Variants in WWOX observed in about 807,000 individuals in gnomAD.
The protein encoded by WWOX is WW domain-containing oxidoreductase.
A neutral mutation model predicts 46.2 loss-of-function variants in WWOX; 69 were observed. That is an observed-to-expected ratio of 1.49 (90% CI 1.23 to 1.82). The LOEUF (loss-of-function observed/expected upper bound fraction) is 1.82, where lower values mean the gene tolerates loss of function less well. Among genes scored for constraint, WWOX ranks in the 40% most tolerant of loss-of-function variants. WWOX has a pLI of 0.00. For synonymous variants in WWOX, 359 were observed against 202.6 expected, an observed-to-expected ratio of 1.77 and a Z score of -6.56; for missense variants, 919 against 542.6, an observed-to-expected ratio of 1.69 and a Z score of -6.89.
At chr16:78,152,618 T>C (rs577120031) in intron 4 of WWOX, among the ~76,000 whole-genome samples, 1 of 152,334 alleles carries the variant, frequency 6.6e-6, no homozygotes, top group Admixed American at 6.5e-5. Flanking sequence ...TCTAGGACCA[T>C]GTTAATTGTA....
chr16:78,329,814 A>G (rs1461109556), intron 5 of WWOX, among the ~76,000 whole-genome samples: 2 of 150,762 alleles, frequency 1.3e-5, no homozygotes, highest in African/African-American at 4.9e-5. Context: ...TGGTAGAATC[A>G]TAGCTCACTG....
intron 5 of WWOX, among the ~76,000 whole-genome samples, chr16:78,334,785 C>G (rs956021450): frequency 1.4e-5 from 2 of 147,080 alleles, no homozygotes; most frequent in African/African-American, 5.0e-5. Context: ...ATGGGAAAGT[C>G]TCCCCTCCAC....
intron 8 of WWOX, among the ~76,000 whole-genome samples, chr16:78,775,461 A>G (rs2050165659): frequency 6.6e-6 from 1 of 151,902 alleles, no homozygotes; most frequent in Non-Finnish European, 1.5e-5. Flanking sequence ...AGATACCCAG[A>G]CTCATTTCTC....
At chr16:78,603,520 C>T (rs2045673299) in intron 8 of WWOX, among the ~76,000 whole-genome samples, 1 of 152,098 alleles carries the variant, frequency 6.6e-6, no homozygotes, top group Non-Finnish European at 1.5e-5. Flanking sequence ...CATGGTGAAA[C>T]CCCATCTCAC....
intron 8 of WWOX, among the ~76,000 whole-genome samples, chr16:78,779,787 G>C (rs1438877989): frequency 6.6e-6 from 1 of 152,128 alleles, no homozygotes; most frequent in African/African-American, 2.4e-5. Context: ...GTGGGATCTA[G>C]ACTGAGGCTC....
At chr16:78,187,816 G>T (rs986718798) in intron 5 of WWOX, among the ~76,000 whole-genome samples, 1 of 152,158 alleles carries the variant, frequency 6.6e-6, no homozygotes, top group Admixed American at 6.5e-5. Flanking sequence ...GGCAAGAATG[G>T]TTCAAGCCAC....
chr16:78,863,781 A>G (rs1455095072), intron 8 of WWOX, among the ~76,000 whole-genome samples: 1 of 152,208 alleles, frequency 6.6e-6, no homozygotes, highest in Non-Finnish European at 1.5e-5. Flanking sequence ...TAAACAAACT[A>G]TCACAGGCAT....
chr16:79,093,798 C>A (rs1012334321), intron 8 of WWOX, among the ~76,000 whole-genome samples: 1 of 152,214 alleles, frequency 6.6e-6, no homozygotes, highest in Non-Finnish European at 1.5e-5. Flanking sequence ...TTCCCCTCCC[C>A]CTGCCCTTCG....
At chr16:78,331,805 G>A (rs749605644) in intron 5 of WWOX, among the ~76,000 whole-genome samples, 5 of 151,378 alleles carry the variant, frequency 3.3e-5, no homozygotes, top group Non-Finnish European at 7.4e-5. Context: ...TGTGGCATAT[G>A]CATTGGCATT....
chr16:78,962,169 C>G (rs1215187554), intron 8 of WWOX, among the ~76,000 whole-genome samples: 1 of 151,986 alleles, frequency 6.6e-6, no homozygotes, highest in East Asian at 1.9e-4. Context: ...GAAGAGAAGC[C>G]TAGGCTTTAA....
At chr16:78,515,266 C>A (rs1303296189) in intron 8 of WWOX, among the ~76,000 whole-genome samples, 1 of 152,046 alleles carries the variant, frequency 6.6e-6, no homozygotes, top group Non-Finnish European at 1.5e-5. Context: ...TATTCCATAG[C>A]TGACTATTTT....
chr16:78,456,101 T>C (rs2083810740), intron 8 of WWOX, among the ~76,000 whole-genome samples: 1 of 152,132 alleles, frequency 6.6e-6, no homozygotes, highest in African/African-American at 2.4e-5. Context: ...TGGAGGAGGA[T>C]TCAAGCCCCT....
At chr16:78,890,984 C>T (rs1428633974) in intron 8 of WWOX, 1 of 152,136 alleles carries the variant, frequency 6.6e-6, no homozygotes, top group Admixed American at 6.5e-5. Flanking sequence ...ATACAGTGGG[C>T]CTCATTCTGA....
chr16:78,748,553 T>C (rs1339944419), intron 8 of WWOX, among the ~76,000 whole-genome samples: 1 of 152,168 alleles, frequency 6.6e-6, no homozygotes, highest in African/African-American at 2.4e-5. Flanking sequence ...TGCTTTACCA[T>C]TGGAGACCTC....
chr16:78,594,394 G>C (rs1329340339), intron 8 of WWOX, among the ~76,000 whole-genome samples: 1 of 128,056 alleles, frequency 7.8e-6, no homozygotes, highest in Non-Finnish European at 1.6e-5. Context: ...CTCTCTTTGT[G>C]TTACCTGAGT....
At chr16:78,999,179 T>C (rs1174344845) in intron 8 of WWOX, among the ~76,000 whole-genome samples, 1 of 151,356 alleles carries the variant, frequency 6.6e-6, no homozygotes, top group African/African-American at 2.4e-5. Flanking sequence ...CTTCTAAGGA[T>C]GGCTGCATCA....
chr16:78,907,915 C>G (rs1010241138), intron 8 of WWOX, among the ~76,000 whole-genome samples: 1 of 152,128 alleles, frequency 6.6e-6, no homozygotes, highest in African/African-American at 2.4e-5. Flanking sequence ...CTGCAAGGGG[C>G]TTTGGTGACC....
chr16:78,213,950 C>T (rs2036638219), intron 5 of WWOX, among the ~76,000 whole-genome samples: 1 of 152,140 alleles, frequency 6.6e-6, no homozygotes, highest in African/African-American at 2.4e-5. Flanking sequence ...CTGTGGCCCG[C>T]GCCTCCCCTG....
At chr16:78,162,587 C>G (rs572858903) in intron 4 of WWOX, among the ~76,000 whole-genome samples, 1 of 152,052 alleles carries the variant, frequency 6.6e-6, no homozygotes, top group Non-Finnish European at 1.5e-5. Flanking sequence ...AACACATACA[C>G]ATACATATTT....
Sources: allele counts gnomAD v4.1 joint callset (sites outside exome capture counted in the v4.1 genomes callset), GRCh38; gene constraint gnomAD v4.1.1; transcripts MANE v1.5; gene names NCBI Gene and HGNC (gene_info 2026-07-23, HGNC 2026-07-21).